Variants in FSTL4 observed in about 807,000 individuals in gnomAD.
The protein encoded by FSTL4 is follistatin like 4.
Under a neutral mutation model 78.2 loss-of-function variants are expected in FSTL4, and 28 were observed. The ratio of observed to expected loss-of-function variants is 0.36; its 90% CI spans 0.27 to 0.49. The LOEUF (loss-of-function observed/expected upper bound fraction) is 0.49. Ranked by LOEUF, FSTL4 falls within the 20% of genes least tolerant of loss-of-function variation. FSTL4 has a pLI of 0.98. For missense variants in FSTL4, 922 were observed against 1,084.9 expected, an observed-to-expected ratio of 0.85 and a Z score of 2.11; for synonymous variants, 422 against 440.5, an observed-to-expected ratio of 0.96 and a Z score of 0.53.
intron 3 of FSTL4, among the ~76,000 whole-genome samples, chr5:133,496,573 G>A (rs74608396): frequency 5.0e-4 from 76 of 152,312 alleles, no homozygotes; most frequent in African/African-American, 1.8e-3. Context: ...GACCAGGAGA[G>A]GAGGCTCCTG....
chr5:133,451,558 T>C (rs1029023200), intron 3 of FSTL4, among the ~76,000 whole-genome samples: 1 of 151,790 alleles, frequency 6.6e-6, no homozygotes, highest in African/African-American at 2.4e-5. Flanking sequence ...CAAAAGTCTG[T>C]CTCAAAAAAG....
intron 3 of FSTL4, among the ~76,000 whole-genome samples, chr5:133,535,165 G>C (rs1414399015): frequency 1.3e-5 from 2 of 152,202 alleles, no homozygotes; most frequent in African/African-American, 4.8e-5. Flanking sequence ...AAGCCAGGTA[G>C]AGCACCCTCA....
the FSTL4 span, among the ~76,000 whole-genome samples, chr5:133,694,919 C>T: frequency 7.0e-3 from 1,068 of 152,248 alleles, 10 homozygotes; most frequent in Non-Finnish European, 9.1e-3. Flanking sequence ...GCTCTGCCTC[C>T]CGAAGTCCCC....
intron 3 of FSTL4, among the ~76,000 whole-genome samples, chr5:133,507,508 C>T (rs1359121685): frequency 6.6e-6 from 1 of 150,508 alleles, no homozygotes; most frequent in Non-Finnish European, 1.5e-5. Flanking sequence ...ATTCAAACAA[C>T]GGAGACTTGA....
intron 3 of FSTL4, among the ~76,000 whole-genome samples, chr5:133,462,736 C>G (rs76666238): frequency 1.3e-5 from 2 of 152,118 alleles, no homozygotes; most frequent in Admixed American, 6.5e-5. Context: ...AGCTGGCCCA[C>G]GAAGGATGAT....
At chr5:133,740,325 G>T in the FSTL4 span, among the ~76,000 whole-genome samples, 1 of 152,042 alleles carries the variant, frequency 6.6e-6, no homozygotes, top group Admixed American at 6.6e-5. Flanking sequence ...ATGTCTTAAG[G>T]CCTGCCCCTG....
chr5:133,657,370 T>C, the FSTL4 span, among the ~76,000 whole-genome samples: 1 of 152,110 alleles, frequency 6.6e-6, no homozygotes. Context: ...CCCCAAGAGA[T>C]AGTAGTTACC....
At chr5:133,366,560 C>T (rs1755184815) in intron 4 of FSTL4, among the ~76,000 whole-genome samples, 1 of 151,960 alleles carries the variant, frequency 6.6e-6, no homozygotes, top group Non-Finnish European at 1.5e-5. Context: ...AACTCTGACT[C>T]CTCTCTGGTC....
At chr5:133,618,274 A>G in the FSTL4 span, among the ~76,000 whole-genome samples, 1 of 152,180 alleles carries the variant, frequency 6.6e-6, no homozygotes, top group African/African-American at 2.4e-5. Context: ...TCAGATTGCG[A>G]TTGACTGCAG....
At chr5:133,700,135 C>T in the FSTL4 span, among the ~76,000 whole-genome samples, 1 of 152,090 alleles carries the variant, frequency 6.6e-6, no homozygotes, top group Non-Finnish European at 1.5e-5. Flanking sequence ...AACCACCACA[C>T]CAAAACATCA....
chr5:133,346,202 T>C (rs988348951), intron 4 of FSTL4, among the ~76,000 whole-genome samples: 4 of 150,952 alleles, frequency 2.6e-5, no homozygotes, highest in East Asian at 3.9e-4. Flanking sequence ...TGGGAACACA[T>C]GGATAGAGGG....
intron 3 of FSTL4, among the ~76,000 whole-genome samples, chr5:133,445,717 A>C (rs941279320): frequency 6.6e-6 from 1 of 152,174 alleles, no homozygotes; most frequent in African/African-American, 2.4e-5. Flanking sequence ...AAACGTGCAC[A>C]GGCCCTCCCG....
At chr5:133,397,604 G>C (rs533405385) in intron 4 of FSTL4, among the ~76,000 whole-genome samples, 2 of 152,318 alleles carry the variant, frequency 1.3e-5, no homozygotes, top group Non-Finnish European at 2.9e-5. Context: ...GGTGGTGAAG[G>C]CTATGTGTCC....
At chr5:133,430,997 G>T (rs1756924639) in intron 3 of FSTL4, among the ~76,000 whole-genome samples, 1 of 152,160 alleles carries the variant, frequency 6.6e-6, no homozygotes, top group African/African-American at 2.4e-5. Flanking sequence ...AACCAGAATG[G>T]ACTTTTGATG....
At chr5:133,680,053 T>C in the FSTL4 span, among the ~76,000 whole-genome samples, 1 of 152,124 alleles carries the variant, frequency 6.6e-6, no homozygotes, top group Admixed American at 6.5e-5. Context: ...GTGTCTTCTT[T>C]TATTTTGTTT....
chr5:133,217,588 C>T (rs115561736), intron 12 of FSTL4, among the ~76,000 whole-genome samples: 1 of 152,188 alleles, frequency 6.6e-6, no homozygotes, highest in Non-Finnish European at 1.5e-5. Flanking sequence ...TCCCTTTGCA[C>T]CCGCTCAGTT....
chr5:133,603,800 C>A (rs1333595641), intron 2 of FSTL4, 58 bp downstream of exon 2: 74 of 1,566,158 alleles, frequency 4.7e-5, no homozygotes, highest in Non-Finnish European at 5.7e-5. Flanking sequence ...AAATCAGATA[C>A]TGTAACATCG....
intron 3 of FSTL4, among the ~76,000 whole-genome samples, chr5:133,516,784 C>G (rs1164262406): frequency 1.3e-5 from 2 of 151,892 alleles, no homozygotes; most frequent in African/African-American, 4.8e-5. Flanking sequence ...CAGGAACAGG[C>G]AGATCAAAAC....
intron 13 of FSTL4, among the ~76,000 whole-genome samples, chr5:133,213,234 C>T (rs1750798343): frequency 1.3e-5 from 2 of 152,188 alleles, no homozygotes; most frequent in African/African-American, 4.8e-5. Flanking sequence ...AACTCCTGAC[C>T]TCAGGTGATC....
Sources: gnomAD v4.1 joint callset for allele counts (sites outside exome capture counted in the v4.1 genomes callset) on GRCh38, gnomAD v4.1.1 for gene constraint, MANE v1.5 for transcripts, NCBI Gene and HGNC (gene_info 2026-07-23, HGNC 2026-07-21) for gene names.